The following ZNF335 variants were observed in gnomAD, a reference collection of about 807,000 sequenced individuals.
The protein encoded by ZNF335 is zinc finger protein 335.
Under a neutral mutation model 145.6 loss-of-function variants are expected in ZNF335, and 84 were observed. The observed-to-expected ratio is 0.58, with a 90% CI of 0.48 to 0.69. The LOEUF is 0.69. ZNF335 is among the 30% of genes least tolerant of loss of function. ZNF335 has a pLI of 0.00. For synonymous variants in ZNF335, 761 were observed against 717.0 expected, an observed-to-expected ratio of 1.06 and a Z score of -0.98; for missense variants, 1,865 against 1,809.7, an observed-to-expected ratio of 1.03 and a Z score of -0.55.
chr20:45,958,559 T>A (rs946632146), intron 15 of ZNF335, among the ~76,000 whole-genome samples: 1 of 152,222 alleles, frequency 6.6e-6, no homozygotes, highest in African/African-American at 2.4e-5. Flanking sequence ...TGGCAGAGAC[T>A]GCTAGCTACC....
In ZNF335 at chr20:45,949,337, G is replaced by C; in HGVS notation, c.3815C>G (p.Ser1272Cys). The C allele has an allele frequency of 1.9e-6, 3 of 1,614,128 alleles. No homozygotes were observed. Among genetic ancestry groups the C allele is most frequent in the Non-Finnish European group, 2.5e-6 (3 of 1,180,032 alleles). ...YEQGAPFLQE[S>C]QIQYVPVSPG... is the part of the protein sequence containing the mutation. ...CCTGTCCCCCCACGGCCCTACCTGG[G>C]ACTCCTGAAGGAACGGGGCTCCTTG... Residue 1272 changes from serine to cysteine, a missense_variant, in exon 26 of 28, where the codon TCC (serine) becomes TGC (cysteine). Ser to Cys is a moderately radical substitution (Grantham distance 112). Coordinates refer to ENST00000322927, the MANE Select transcript of ZNF335 (RefSeq NM_022095.4).
Position 45,949,316 on chromosome 20 carries a change from TC to T in ZNF335, c.3819+16del, listed in dbSNP as rs748617576. On this transcript the variant is annotated intron_variant, in intron 26 of 27. Transcript: ENST00000322927. ...CCTGCCTGTGCCCCAGGTCTCCCTGTCCCCCCACGGCCCTACCTGGGACTCC... is the reference window on the plus strand; with the variant it reads ...CCTGCCTGTGCCCCAGGTCTCCCTGTCCCCCACGGCCCTACCTGGGACTCC... The T allele has an allele frequency of 3.7e-6, 6 of 1,613,792 alleles. No homozygotes were observed. The African/African-American group carries it at 5.3e-5, about 14-fold the overall frequency.
chr20:45,961,803 T>A (rs182153946), intron 10 of ZNF335: 3 of 404,388 alleles, frequency 7.4e-6, no homozygotes, highest in Non-Finnish European at 9.1e-6. Context: ...TTTCCTTCAA[T>A]CCCTTCAACA....
Position 45,967,853 on chromosome 20 carries a change from C to A in ZNF335, c.695G>T (p.Ser232Ile). 1.2e-6 allele frequency: 2 copies of A among 1,613,484 alleles called. No homozygotes were observed. Among genetic ancestry groups the A allele is most frequent in the Non-Finnish European group, 8.5e-7 (1 of 1,180,046 alleles). ...CACCACCTCCATCATGGCCTCCAGG[C>A]TCTGCAGGTCCGGCTCTTCGGCACC... ...ASGAEEPDLQ[S>I]LEAMMEVVVV... Residue 232 changes from serine to isoleucine, a missense_variant, in exon 5 of 28, where the codon AGC (serine) becomes ATC (isoleucine). Ser to Ile is a moderately radical substitution (Grantham distance 142). Transcript: ENST00000322927.
At chr20:45,970,759 T>G (rs974663798) in intron 2 of ZNF335, among the ~76,000 whole-genome samples, 11 of 151,050 alleles carry the variant, frequency 7.3e-5, no homozygotes, top group African/African-American at 2.7e-4. Flanking sequence ...ACTTGCGTTT[T>G]TTTTTTTTTT....
rs758838231 is a variant in ZNF335, at chr20:45,952,231, C to G, written c.3105G>C (p.Glu1035Asp). 6.2e-7 allele frequency: 1 copy of G among 1,613,284 alleles called. No individual in the cohort carries two copies. Among genetic ancestry groups the G allele is most frequent in the African/African-American group, 1.3e-5 (1 of 75,076 alleles). ...GCCCAGCGTGGGCCCGCTTGTGACT[C>G]TCCATCTCAGCTCGGCCAGGGAAGG... ...AEAFPGRAEM[E>D]SHKRAHAGPG... The change falls in exon 20 of 28, where the codon GAG (glutamate) becomes GAC (aspartate). Residue 1035 changes from glutamate (E) to aspartate (D), a missense_variant. Transcript: ENST00000322927.
Position 45,972,124 on chromosome 20 carries a change from G to A in ZNF335, c.-53C>T, listed in dbSNP as rs1251699885. On this transcript the variant is annotated splice_region_variant and 5_prime_UTR_variant, in exon 1 of 28. Coordinates refer to ENST00000322927, the MANE Select transcript of ZNF335 (RefSeq NM_022095.4). ...GCCTAACTCTACCCGAAGCTCACCCGAGGCTTTCGTAGCCACGTTCCTCTC... is the reference window on the plus strand; with the variant it reads ...GCCTAACTCTACCCGAAGCTCACCCAAGGCTTTCGTAGCCACGTTCCTCTC... 1 of 1,289,492 alleles carries A rather than the reference G, an allele frequency of 7.8e-7. No homozygotes were observed. Among genetic ancestry groups the A allele is most frequent in the Non-Finnish European group, 1.0e-6 (1 of 988,752 alleles). 79.9% of individuals were successfully genotyped at this position (1,289,492 alleles called of 1,614,324 possible).
In ZNF335 at chr20:45,959,132, T is replaced by C. The variant is rs867030825; in HGVS notation, c.2253+69A>G. 44 of 1,211,136 alleles carry C rather than the reference T, an allele frequency of 3.6e-5. 1 individual carries two copies. In the Middle Eastern group the frequency reaches 1.3e-3, roughly 35 times the overall value. The allele number at this position is 1,211,136 out of a possible 1,614,324, so 75.0% of individuals were successfully genotyped here. The stretch of plus-strand genomic sequence containing the variant: ...CAGGGATTATTTTGTTGCATCTCAA[T>C]GTGCAAATGATGCTGGGGCTGGGAG... On this transcript the variant is annotated intron_variant, in intron 15 of 27. Transcript: ENST00000322927.
At chr20:45,954,896 T>C (rs964829127) in intron 17 of ZNF335, among the ~76,000 whole-genome samples, 3 of 150,880 alleles carry the variant, frequency 2.0e-5, no homozygotes, top group African/African-American at 7.3e-5. Flanking sequence ...GCCTCTCAAG[T>C]AGCTGGTACT....
intron 20 of ZNF335, among the ~76,000 whole-genome samples, chr20:45,951,503 G>A (rs1332062904): frequency 3.9e-5 from 6 of 152,210 alleles, no homozygotes; most frequent in Non-Finnish European, 5.9e-5. Context: ...ACTGTTTCAC[G>A]GCATGTGCAG....
At chr20:45,968,624 C>A (rs1203915617) in intron 3 of ZNF335, 1 of 427,868 alleles carries the variant, frequency 2.3e-6, no homozygotes, top group Non-Finnish European at 4.3e-6. Flanking sequence ...GCTGCCCAGG[C>A]TTTGACCACC....
chr20:45,971,190 C>A lies in ZNF335; in HGVS notation c.201+20G>T, dbSNP rs746096855. On this transcript the variant is annotated intron_variant, in intron 2 of 27. Transcript: ENST00000322927. ...CTCGCGGTCCTTGCCTCCACCCACG[C>A]CGTCCAGCCGGGTCCATACCTGAGA... 2 of 1,502,724 alleles carry A rather than the reference C, an allele frequency of 1.3e-6. No individual in the cohort carries two copies. Among genetic ancestry groups the A allele is most frequent in the South Asian group, 1.3e-5 (1 of 78,636 alleles). The allele number at this position is 1,502,724 out of a possible 1,614,324, so 93.1% of individuals were successfully genotyped here.
At chr20:45,964,743 A>C (rs909458745) in intron 7 of ZNF335, among the ~76,000 whole-genome samples, 2 of 152,108 alleles carry the variant, frequency 1.3e-5, no homozygotes, top group Non-Finnish European at 2.9e-5. Flanking sequence ...ATAGAGACTA[A>C]AGAATACAAT....
In ZNF335 at chr20:45,969,499, C is replaced by T. The variant is rs867226342; in HGVS notation, c.394G>A (p.Ala132Thr). ...CTASSSDLGSAIDKIIESTIG... is the reference protein window; with the variant it reads ...CTASSSDLGSTIDKIIESTIG... Reference sequence around the variant, plus strand: ...GTGGACTCGATGATCTTGTCGATGGCCGAGCCCAGGTCCGAGGAGGAAGCT... The same window carrying T: ...GTGGACTCGATGATCTTGTCGATGGTCGAGCCCAGGTCCGAGGAGGAAGCT... Residue 132 changes from alanine (A) to threonine (T), a missense_variant, in exon 3 of 28, where the codon GCC becomes ACC. Physicochemically the swap from Ala to Thr is moderately conservative, Grantham distance 58 (BLOSUM62 0). Coordinates refer to ENST00000322927, the MANE Select transcript of ZNF335 (RefSeq NM_022095.4). 6 of 1,569,862 alleles carry T rather than the reference C, an allele frequency of 3.8e-6. No individual in the cohort carries two copies.
chr20:45,958,060 T>C (rs2083762129), intron 15 of ZNF335, 132 bp from the exon 16 acceptor site: 2 of 698,462 alleles, frequency 2.9e-6, no homozygotes, highest in Non-Finnish European at 4.9e-6. Flanking sequence ...CTTTTCTTTT[T>C]TTTTTTTTGA....
At chr20:45,965,826 C>G in intron 6 of ZNF335, 52 bp from the exon 7 acceptor site, 1 of 1,550,570 alleles carries the variant, frequency 6.4e-7, no homozygotes, top group Non-Finnish European at 8.7e-7. Flanking sequence ...CCTGCCCTTT[C>G]AGCCCTGACC....
intron 15 of ZNF335, among the ~76,000 whole-genome samples, chr20:45,958,256 CG>C (rs1236361724): frequency 6.6e-6 from 1 of 152,112 alleles, no homozygotes; most frequent in Non-Finnish European, 1.5e-5. Flanking sequence ...CCATGTTGGT[CG>C]GCTGGTTTCA....
At chr20:45,953,042 G>A (rs1362109359) in intron 18 of ZNF335, among the ~76,000 whole-genome samples, 1 of 152,202 alleles carries the variant, frequency 6.6e-6, no homozygotes, top group Admixed American at 6.5e-5. Flanking sequence ...GAGGAGGCAG[G>A]GCTAACGAGG....
At chr20:45,963,680 T>C (rs2083893354) in intron 8 of ZNF335, 30 bp from the exon 9 acceptor site, 1 of 1,613,804 alleles carries the variant, frequency 6.2e-7, no homozygotes, top group Admixed American at 1.7e-5. Context: ...CGGAAAGGTC[T>C]GGTGGGGTTG....
Sources: allele counts gnomAD v4.1 joint callset (sites outside exome capture counted in the v4.1 genomes callset), GRCh38; gene constraint gnomAD v4.1.1; transcripts MANE v1.5; gene names NCBI Gene and HGNC (gene_info 2026-07-23, HGNC 2026-07-21).